Variants in HS2ST1 observed in about 807,000 individuals in gnomAD.
HS2ST1 encodes the protein heparan sulfate 2-O-sulfotransferase 1, also known as 2-O-sulfotransferase.
In HS2ST1, 18 loss-of-function variants were observed where a neutral mutation model predicts 42.9. That is an observed-to-expected ratio of 0.42 (90% CI 0.29 to 0.62). The LOEUF is 0.62. Among genes scored for constraint, HS2ST1 ranks in the 20% least tolerant of loss-of-function variants. The pLI, the probability that HS2ST1 is intolerant of heterozygous loss-of-function variation, is 0.21. For missense variants in HS2ST1, 334 were observed against 433.8 expected (o/e 0.77, Z 2.04); for synonymous variants, 146 against 152.9 (o/e 0.95, Z 0.33).
chr1:87,095,960 G>A (rs948280306), intron 4 of HS2ST1, among the ~76,000 whole-genome samples: 9 of 144,014 alleles, frequency 6.2e-5, no homozygotes, highest in African/African-American at 2.1e-4. Flanking sequence ...ATAGACAGCC[G>A]GTTTTCTTTT....
At chr1:86,921,390 T>A (rs532442647) in intron 1 of HS2ST1, among the ~76,000 whole-genome samples, 12 of 152,310 alleles carry the variant, frequency 7.9e-5, no homozygotes, top group African/African-American at 2.9e-4. Flanking sequence ...CCCTTTTTTT[T>A]ATACAAGATA....
At chr1:87,059,971 C>G (rs1055475330) in intron 1 of HS2ST1, among the ~76,000 whole-genome samples, 3 of 152,156 alleles carry the variant, frequency 2.0e-5, no homozygotes, top group Non-Finnish European at 4.4e-5. Flanking sequence ...ACCTTACAAT[C>G]CATATAGTAA....
chr1:86,932,622 CTCTG>C (rs1363750218), intron 1 of HS2ST1, among the ~76,000 whole-genome samples: 2 of 152,036 alleles, frequency 1.3e-5, no homozygotes, highest in Non-Finnish European at 1.5e-5. Context: ...CTGTCTTTTT[CTCTG>C]TCTGTATTAG....
intron 1 of HS2ST1, chr1:87,045,158 G>GCTGTTTTGGCCCCA: frequency 2.3e-6 from 2 of 862,978 alleles, no homozygotes; most frequent in Non-Finnish European, 4.0e-6. Context: ...CATTGGTTAT[G>GCTGTTTTGGCCCCA]CTTTTGGCAG....
chr1:87,067,918 T>C (rs537925434), intron 1 of HS2ST1, among the ~76,000 whole-genome samples: 110 of 152,338 alleles, frequency 7.2e-4, no homozygotes, highest in African/African-American at 2.5e-3. Context: ...TTCTGCTCCA[T>C]TGGTCTGTAT....
At chr1:86,971,514 T>C (rs1648233532) in intron 1 of HS2ST1, among the ~76,000 whole-genome samples, 1 of 152,208 alleles carries the variant, frequency 6.6e-6, no homozygotes, top group Non-Finnish European at 1.5e-5. Flanking sequence ...TTAGGTCAGA[T>C]GGTTAGATGT....
chr1:86,938,596 C>T (rs1360477786), intron 1 of HS2ST1, among the ~76,000 whole-genome samples: 4 of 151,996 alleles, frequency 2.6e-5, no homozygotes, highest in Non-Finnish European at 5.9e-5. Context: ...GTTATAACTT[C>T]TCTTTTTTGG....
chr1:87,004,164 G>A (rs184065688), intron 1 of HS2ST1, among the ~76,000 whole-genome samples: 1,559 of 152,222 alleles, frequency 0.01, 17 homozygotes, highest in South Asian at 0.026. Flanking sequence ...GCTGAGATGG[G>A]CGGATCACCT....
chr1:86,979,011 G>A (rs1485821677), intron 1 of HS2ST1, among the ~76,000 whole-genome samples: 2 of 151,686 alleles, frequency 1.3e-5, no homozygotes, highest in Non-Finnish European at 1.5e-5. Context: ...ACAGGCACGC[G>A]CCACCACACC....
chr1:87,009,515 G>A (rs1199387499), intron 1 of HS2ST1, among the ~76,000 whole-genome samples: 2 of 152,128 alleles, frequency 1.3e-5, no homozygotes, highest in Admixed American at 6.6e-5. Context: ...TTTAACATCT[G>A]TATTGCTTAC....
chr1:86,954,375 T>C (rs1452034604), intron 1 of HS2ST1, among the ~76,000 whole-genome samples: 4 of 152,128 alleles, frequency 2.6e-5, no homozygotes, highest in African/African-American at 9.7e-5. Context: ...ATCTGTGAAG[T>C]GCATTGACGT....
intron 1 of HS2ST1, among the ~76,000 whole-genome samples, chr1:86,945,447 A>G (rs1647301662): frequency 6.6e-6 from 1 of 152,226 alleles, no homozygotes; most frequent in African/African-American, 2.4e-5. Flanking sequence ...TGTGGCAGAT[A>G]TTATTCTCTG....
At position 87,072,961 on chromosome 1, in the gene HS2ST1, G is replaced by A. The variant is rs1179138633; in HGVS notation, c.152G>A (p.Arg51Gln). Residue 51 changes from arginine to glutamine, a missense_variant, in exon 2 of 7, where the codon CGA becomes CAA. Arg to Gln is a conservative substitution (Grantham distance 43, BLOSUM62 1). Coordinates refer to ENST00000370550, the MANE Select transcript of HS2ST1 (RefSeq NM_012262.4). Reference sequence around the variant, plus strand: ...AGGGCTATTGCAAGACACGAAGTCCGAGAAATTGAGCAGCGACATACAATG... The same window carrying A: ...AGGGCTATTGCAAGACACGAAGTCCAAGAAATTGAGCAGCGACATACAATG... ...LERAIARHEVREIEQRHTMDG... is the reference protein window; with the variant it reads ...LERAIARHEVQEIEQRHTMDG... The A allele has an allele frequency of 1.1e-5, 18 of 1,613,816 alleles. No individual in the cohort carries two copies. Among genetic ancestry groups the A allele is most frequent in the South Asian group, 6.6e-5 (6 of 91,072 alleles).
At chr1:87,037,196 G>GCAA (rs1650396904) in intron 1 of HS2ST1, among the ~76,000 whole-genome samples, 1 of 17,202 alleles carries the variant, frequency 5.8e-5, no homozygotes. Flanking sequence ...TGTTTAATAT[G>GCAA]TAATTCTATA....
chr1:87,064,378 C>T, intron 1 of HS2ST1: 1 of 450,070 alleles, frequency 2.2e-6, no homozygotes, highest in Non-Finnish European at 4.4e-6. Flanking sequence ...ACATTTGTTT[C>T]ATGTATTGTG....
intron 1 of HS2ST1, among the ~76,000 whole-genome samples, chr1:87,008,752 C>A (rs770441759): frequency 2.6e-5 from 4 of 152,194 alleles, no homozygotes; most frequent in Non-Finnish European, 5.9e-5. Context: ...GTAAAAATTC[C>A]TCATAAGCAG....
At chr1:87,040,208 A>T (rs114200856) in intron 1 of HS2ST1, among the ~76,000 whole-genome samples, 1 of 152,094 alleles carries the variant, frequency 6.6e-6, no homozygotes. Flanking sequence ...AAAATTAGAA[A>T]TAATACCTCC....
intron 1 of HS2ST1, chr1:87,045,747 A>G: frequency 1.1e-6 from 1 of 918,190 alleles, no homozygotes; most frequent in South Asian, 1.3e-5. Context: ...CTTCATATTC[A>G]TACTGAAAAT....
chr1:87,044,646 G>A (rs894435214), intron 1 of HS2ST1, among the ~76,000 whole-genome samples: 2 of 152,088 alleles, frequency 1.3e-5, no homozygotes, highest in African/African-American at 4.8e-5. Flanking sequence ...ATACCTAAGG[G>A]TATTTACATT....
Sources: allele counts gnomAD v4.1 joint callset (sites outside exome capture counted in the v4.1 genomes callset), GRCh38; gene constraint gnomAD v4.1.1; transcripts MANE v1.5; gene names NCBI Gene and HGNC (gene_info 2026-07-23, HGNC 2026-07-21).